The following TDRD7 variants were observed in gnomAD, a reference collection of about 807,000 sequenced individuals.
TDRD7 encodes the protein tudor domain-containing protein 7.
A neutral mutation model predicts 109.8 loss-of-function variants in TDRD7; 47 were observed. The observed-to-expected ratio is 0.43, with a 90% CI of 0.34 to 0.55. The LOEUF (loss-of-function observed/expected upper bound fraction) is 0.55, where lower values mean the gene tolerates loss of function less well. TDRD7 is among the 20% of genes least tolerant of loss of function. The probability of loss-of-function intolerance (pLI) is 0.03; values close to 1 mark genes in which losing one functional copy is unlikely to be tolerated. For missense variants in TDRD7, 1,164 were observed against 1,319.2 expected (o/e 0.88, Z 1.82); for synonymous variants, 424 against 457.3 (o/e 0.93, Z 0.93).
At chr9:97,476,856 T>G (rs759015143) in intron 12 of TDRD7, among the ~76,000 whole-genome samples, 2 of 152,192 alleles carry the variant, frequency 1.3e-5, no homozygotes, top group Non-Finnish European at 2.9e-5. Flanking sequence ...TTTGATAACT[T>G]AATTGAATTG....
chr9:97,449,371 A>G (rs1425120557), intron 6 of TDRD7, among the ~76,000 whole-genome samples: 1 of 152,126 alleles, frequency 6.6e-6, no homozygotes, highest in Admixed American at 6.5e-5. Flanking sequence ...CTACATATAC[A>G]CTAGTTGCGC....
intron 16 of TDRD7, among the ~76,000 whole-genome samples, chr9:97,493,811 C>A (rs1441119744): frequency 2.0e-5 from 3 of 152,182 alleles, no homozygotes; most frequent in Non-Finnish European, 4.4e-5. Context: ...AAAAAGAATT[C>A]AGCGATATTT....
chr9:97,445,492 A>T (rs1828384705), intron 6 of TDRD7, among the ~76,000 whole-genome samples: 1 of 152,084 alleles, frequency 6.6e-6, no homozygotes, highest in East Asian at 1.9e-4. Flanking sequence ...TAAACAGGAG[A>T]CTCTACATAG....
intron 8 of TDRD7, among the ~76,000 whole-genome samples, chr9:97,469,477 G>A (rs915819008): frequency 3.9e-5 from 6 of 152,170 alleles, no homozygotes; most frequent in Admixed American, 3.9e-4. Flanking sequence ...CTGCTGGGAA[G>A]GGTTTTTGTT....
intron 14 of TDRD7, among the ~76,000 whole-genome samples, chr9:97,481,547 A>G (rs1829116076): frequency 6.6e-6 from 1 of 152,230 alleles, no homozygotes; most frequent in Non-Finnish European, 1.5e-5. Context: ...TGTTTTATAT[A>G]AACATTTAAA....
intron 6 of TDRD7, among the ~76,000 whole-genome samples, chr9:97,454,227 TC>T (rs1444215752): frequency 6.6e-6 from 1 of 152,212 alleles, no homozygotes; most frequent in Non-Finnish European, 1.5e-5. Context: ...ACGCCTGTAA[TC>T]CCAGCACTTT....
At chr9:97,479,073 T>G (rs1829070909) in intron 13 of TDRD7, among the ~76,000 whole-genome samples, 6 of 152,230 alleles carry the variant, frequency 3.9e-5, no homozygotes, top group Admixed American at 3.9e-4. Context: ...TATTTTGAAT[T>G]GTTTAGAACT....
intron 1 of TDRD7, among the ~76,000 whole-genome samples, 166 bp from the exon 2 acceptor site, chr9:97,428,294 T>C (rs770072609): frequency 3.9e-5 from 6 of 152,216 alleles, no homozygotes; most frequent in African/African-American, 9.6e-5. Flanking sequence ...TGCATTCTTA[T>C]GGTATTTGTG....
At position 97,495,745 on chromosome 9, in the gene TDRD7, G is replaced by T. The variant is rs756152849; in HGVS notation, c.3159G>T (p.Val1053=). The T allele has an allele frequency of 1.9e-6, 3 of 1,614,200 alleles. No homozygotes were observed. Among genetic ancestry groups the T allele is most frequent in the Non-Finnish European group, 2.5e-6 (3 of 1,180,028 alleles). ...HVEKKPLVAL[V]QTVIENANPW... ...AGAAGAAACCTCTGGTGGCACTGGT[G>T]CAGACAGTCATTGAAAATGCTAACC... is the stretch of plus-strand genomic sequence containing the variant. The change falls in exon 17 of 17, where the codon GTG becomes GTT. Residue 1053 remains valine, a synonymous_variant. Transcript: ENST00000355295.
intron 9 of TDRD7, among the ~76,000 whole-genome samples, chr9:97,471,395 A>T (rs2131163127): frequency 6.6e-6 from 1 of 152,234 alleles, no homozygotes; most frequent in South Asian, 2.1e-4. Context: ...GCTGGGTTTG[A>T]CTCTTATCTG....
At chr9:97,470,716 A>G (rs1828896343) in intron 9 of TDRD7, 47 bp downstream of exon 9, 1 of 1,391,894 alleles carries the variant, frequency 7.2e-7, no homozygotes, top group Admixed American at 1.8e-5. Context: ...ATAGGCTATT[A>G]CCACTGTACA....
intron 6 of TDRD7, among the ~76,000 whole-genome samples, chr9:97,449,424 G>A (rs7032723): frequency 0.52 from 79,019 of 152,032 alleles, 20,750 homozygotes; most frequent in African/African-American, 0.59. Context: ...GCTTCAAATT[G>A]GGGTTCCCAA....
chr9:97,439,954 T>G (rs1828273225), intron 5 of TDRD7, among the ~76,000 whole-genome samples: 1 of 152,198 alleles, frequency 6.6e-6, no homozygotes, highest in Non-Finnish European at 1.5e-5. Flanking sequence ...AGGGAGACAG[T>G]GTTTTCGTAT....
chr9:97,494,713 T>TG (rs1491205980), intron 16 of TDRD7, among the ~76,000 whole-genome samples: 2 of 77,054 alleles, frequency 2.6e-5, no homozygotes, highest in South Asian at 4.2e-4. Context: ...TATATATATA[T>TG]TTTTTTTTTT....
Position 97,460,555 on chromosome 9 carries a change from C to T in TDRD7, c.1233C>T (p.Asp411=), listed in dbSNP as rs552015878. ...ATGCTAAACTTCCATTGCCCACTGA[C>T]AAAATCCAAAAGGATGCAGGGCAAG... is the stretch of plus-strand genomic sequence containing the variant. ...ILYAKLPLPT[D]KIQKDAGQAH... is the part of the protein sequence containing the mutation. The change falls in exon 7 of 17, where the codon GAC becomes GAT. Residue 411 remains aspartate (D), a synonymous_variant. Transcript: ENST00000355295. 3 of 1,614,168 alleles carry T rather than the reference C, an allele frequency of 1.9e-6. No individual in the cohort carries two copies. In the African/African-American group the frequency reaches 4.0e-5, roughly 22 times the overall value.
rs543873476 is a variant in TDRD7 at position 97,414,633 on chromosome 9, C to T, written c.-7+2395C>T. Among the ~76,000 whole-genome samples, 11 of 152,196 alleles carry T rather than the reference C, an allele frequency of 7.2e-5. No individual in the cohort carries two copies. The South Asian group carries it at 2.1e-3, about 29-fold the overall frequency. ...TAGACTTATGGAAATCCCTTACTTA[C>T]GTACATTCGTGGTATGCAGTTAAAA... On this transcript the variant is annotated intron_variant, in intron 1 of 16. Transcript: ENST00000355295.
chr9:97,434,679 C>T (rs1035411895), intron 4 of TDRD7, among the ~76,000 whole-genome samples: 6 of 152,120 alleles, frequency 3.9e-5, no homozygotes, highest in Non-Finnish European at 7.4e-5. Flanking sequence ...GGACATTTAT[C>T]TCAGAGAAAT....
intron 6 of TDRD7, among the ~76,000 whole-genome samples, chr9:97,457,714 C>T (rs1247134780): frequency 2.0e-5 from 3 of 152,064 alleles, no homozygotes; most frequent in Admixed American, 2.0e-4. Flanking sequence ...TTTACAATAG[C>T]AAAGACATGG....
intron 6 of TDRD7, among the ~76,000 whole-genome samples, chr9:97,445,192 A>G (rs1002435684): frequency 6.6e-6 from 1 of 152,230 alleles, no homozygotes; most frequent in Admixed American, 6.5e-5. Context: ...ACTGCACTCT[A>G]AGAGTTCCCA....
Sources: allele counts gnomAD v4.1 joint callset (sites outside exome capture counted in the v4.1 genomes callset), GRCh38; gene constraint gnomAD v4.1.1; transcripts MANE v1.5; gene names NCBI Gene and HGNC (gene_info 2026-07-23, HGNC 2026-07-21).